LDHAL6A: variants seen among roughly 807,000 people sequenced by gnomAD.
LDHAL6A encodes the protein lactate dehydrogenase A like 6A.
Under a neutral mutation model 28.2 loss-of-function variants are expected in LDHAL6A, and 19 were observed. That is an observed-to-expected ratio of 0.67 (90% CI 0.47 to 0.99). The LOEUF (loss-of-function observed/expected upper bound fraction) is 0.99, where lower values mean the gene tolerates loss of function less well. LDHAL6A is among the 50% of genes least tolerant of loss of function. LDHAL6A has a pLI of 0.00. For synonymous variants in LDHAL6A, 144 were observed against 134.4 expected, an observed-to-expected ratio of 1.07 and a Z score of -0.49; for missense variants, 372 against 398.6, an observed-to-expected ratio of 0.93 and a Z score of 0.57.
At position 18,460,759 on chromosome 11, in the gene LDHAL6A, CAAAAA is replaced by C. The variant is rs372894280; in HGVS notation, c.127-3200_127-3196del. Among the ~76,000 whole-genome samples, 946 of 151,820 alleles carry C rather than the reference CAAAAA, an allele frequency of 6.2e-3. 10 individuals carry two copies. The highest frequency in any genetic ancestry group is 0.021 in the African/African-American group (872 of 41,424). On this transcript the variant is annotated intron_variant, in intron 1 of 6. Transcript: ENST00000280706. ...TGGGTGACAAAGTGAGACCCTGTCT[CAAAAA>C]AGAAAAAAGGTAAAAAGCACTAACA...
Position 18,476,373 on chromosome 11 carries a change from CTCTT to C in LDHAL6A, c.593-6_593-3del, listed in dbSNP as rs772261016. 14 of 1,608,944 alleles carry C rather than the reference CTCTT, an allele frequency of 8.7e-6. No homozygotes were observed. The highest frequency in any genetic ancestry group is 4.0e-5 in the African/African-American group (3 of 74,794). On this transcript the variant is annotated splice_polypyrimidine_tract_variant and splice_region_variant and intron_variant, in intron 4 of 6. Coordinates refer to ENST00000280706, the MANE Select transcript of LDHAL6A (RefSeq NM_144972.5). ...ATGTAAGAAGTGGGATTTTGGGTGT[CTCTT>C]TCTTAGTTCCTGTGTGGAGTGGTGT...
intron 3 of LDHAL6A, among the ~76,000 whole-genome samples, chr11:18,474,688 C>A (rs1849329612): frequency 3.3e-5 from 5 of 152,096 alleles, no homozygotes; most frequent in Admixed American, 2.0e-4. Flanking sequence ...CACCTGGCCT[C>A]TGATGCTGTT....
At chr11:18,464,968 G>GTTT (rs1565068644) in intron 2 of LDHAL6A, among the ~76,000 whole-genome samples, 12 of 3,802 alleles carry the variant, frequency 3.2e-3, no homozygotes, top group African/African-American at 5.5e-3. Flanking sequence ...GAGGTGAGGT[G>GTTT]TTTTTTTTGT....
At chr11:18,478,463 G>A (rs1180869018) in intron 6 of LDHAL6A, among the ~76,000 whole-genome samples, 3 of 152,156 alleles carry the variant, frequency 2.0e-5, no homozygotes, top group Non-Finnish European at 4.4e-5. Context: ...GGGAGGCTGA[G>A]GTGGGAGAAT....
intron 1 of LDHAL6A, among the ~76,000 whole-genome samples, chr11:18,460,650 C>T (rs1008280921): frequency 1.5e-4 from 23 of 151,092 alleles, no homozygotes; most frequent in Non-Finnish European, 3.2e-4. Context: ...GTACTAGCTA[C>T]TTGGGAGGCT....
At chr11:18,467,995 ATATATACG>A (rs1849148129) in intron 3 of LDHAL6A, among the ~76,000 whole-genome samples, 2 of 62,452 alleles carry the variant, frequency 3.2e-5, no homozygotes, top group African/African-American at 6.0e-5. Context: ...ATATATGCAT[ATATATACG>A]TATATATATA....
intron 3 of LDHAL6A, 52 bp downstream of exon 3, chr11:18,465,862 G>A: frequency 7.0e-7 from 1 of 1,425,654 alleles, no homozygotes; most frequent in Non-Finnish European, 9.8e-7. Context: ...GGTACACTGT[G>A]TAGGTTCATT....
intron 5 of LDHAL6A, 45 bp from the exon 6 acceptor site, chr11:18,477,575 G>T: frequency 6.5e-7 from 1 of 1,540,078 alleles, no homozygotes; most frequent in South Asian, 1.3e-5. Flanking sequence ...GAAGTTCAAT[G>T]ACAAGTGCAT....
chr11:18,474,531 C>T (rs779981884), intron 3 of LDHAL6A, among the ~76,000 whole-genome samples: 25 of 151,404 alleles, frequency 1.7e-4, no homozygotes, highest in Admixed American at 7.9e-4. Flanking sequence ...GGACTACAGG[C>T]GCGCACCACC....
intron 3 of LDHAL6A, among the ~76,000 whole-genome samples, chr11:18,466,993 T>C (rs1194156239): frequency 6.6e-6 from 1 of 152,122 alleles, no homozygotes; most frequent in Non-Finnish European, 1.5e-5. Context: ...GGTTGGTAAA[T>C]TTACTGATCG....
Position 18,479,134 on chromosome 11 carries a change from A to G in LDHAL6A, c.*264A>G, listed in dbSNP as rs1849473563. On this transcript the variant is annotated 3_prime_UTR_variant, in exon 7 of 7. Transcript: ENST00000280706. The stretch of plus-strand genomic sequence containing the variant: ...AGGTGAGCCTCCCACTTCAGCCTCC[A>G]GAGTAGGTGGGACCACATGCGTGTG... The G allele has an allele frequency of 1.0e-5, 3 of 298,682 alleles. No homozygotes were observed. The highest frequency in any genetic ancestry group is 1.2e-5 in the Non-Finnish European group (2 of 160,274). 18.5% of individuals were successfully genotyped at this position (298,682 alleles called of 1,614,324 possible).
intron 1 of LDHAL6A, among the ~76,000 whole-genome samples, chr11:18,458,093 C>T (rs1372484053): frequency 6.6e-6 from 1 of 152,136 alleles, no homozygotes; most frequent in Non-Finnish European, 1.5e-5. Context: ...CTACCTCTGC[C>T]AGCTGCTGCT....
chr11:18,459,173 G>A (rs998385692), intron 1 of LDHAL6A, among the ~76,000 whole-genome samples: 2 of 152,114 alleles, frequency 1.3e-5, no homozygotes, highest in African/African-American at 2.4e-5. Flanking sequence ...ATTTGAGTCC[G>A]AGGACTGAGA....
chr11:18,471,121 TTTC>T (rs1483663421), intron 3 of LDHAL6A, among the ~76,000 whole-genome samples: 1 of 152,156 alleles, frequency 6.6e-6, no homozygotes, highest in Non-Finnish European at 1.5e-5. Flanking sequence ...TTAGTAAGGG[TTTC>T]TTATTTATGT....
rs768892367 is a variant in LDHAL6A at position 18,475,614 on chromosome 11, C to T, written c.567C>T (p.Ile189=). 6.2e-7 allele frequency: 1 copy of T among 1,613,660 alleles called. No homozygotes were observed. Among genetic ancestry groups the T allele is most frequent in the East Asian group, 2.2e-5 (1 of 44,856 alleles). ...ACTCTGAAAGCTGTCATGGGCTGAT[C>T]CTTGGAGAGCATGGCGACTCAAGTG... is the stretch of plus-strand genomic sequence containing the variant. The part of the protein sequence containing the change: ...GIHSESCHGL[I]LGEHGDSSVP... The change falls in exon 4 of 7, where the codon ATC becomes ATT. Residue 189 remains isoleucine (I), a synonymous_variant. Coordinates refer to ENST00000280706, the MANE Select transcript of LDHAL6A (RefSeq NM_144972.5).
rs531901731 is a variant in LDHAL6A, at chr11:18,464,089, T to C, written c.244+11T>C. ...TTGTCTCCAGCAAAGGTTAATGTCA[T>C]AGTTAAATACTATAAATATTCTAAT... On this transcript the variant is annotated intron_variant, in intron 2 of 6. Transcript: ENST00000280706. 13 of 1,473,948 alleles carry C rather than the reference T, an allele frequency of 8.8e-6. No individual in the cohort carries two copies. In the African/African-American group the frequency reaches 9.7e-5, roughly 11 times the overall value. The allele number at this position is 1,473,948 out of a possible 1,614,324, so 91.3% of individuals were successfully genotyped here.
Position 18,463,984 on chromosome 11 carries a change from T to TG in LDHAL6A, c.151dup (p.Val51GlyfsTer4). 6.2e-7 allele frequency: 1 copy of TG among 1,613,480 alleles called. No individual in the cohort carries two copies. The highest frequency in any genetic ancestry group is 8.5e-7 in the Non-Finnish European group (1 of 1,179,520). On this transcript the variant is annotated frameshift_variant, in exon 2 of 7. Coordinates refer to ENST00000280706, the MANE Select transcript of LDHAL6A (RefSeq NM_144972.5). LOFTEE classifies it high-confidence loss of function. ...AGGGTTTGAGTGATGAACTTGTCCT[T>TG]GTGGATGTTGATGAAGGCAAACTGA...
chr11:18,468,942 T>G (rs1849191605), intron 3 of LDHAL6A: 1 of 363,942 alleles, frequency 2.7e-6, no homozygotes, highest in African/African-American at 2.1e-5. Flanking sequence ...AAGAGTTTGA[T>G]TCTTTAAAAA....
intron 3 of LDHAL6A, among the ~76,000 whole-genome samples, chr11:18,471,241 GCT>G (rs1849251801): frequency 7.4e-6 from 1 of 135,178 alleles, no homozygotes. Context: ...AGAGGGTTTT[GCT>G]CTGTTGCTCA....
Sources: allele counts gnomAD v4.1 joint callset (sites outside exome capture counted in the v4.1 genomes callset), GRCh38; gene constraint gnomAD v4.1.1; transcripts MANE v1.5; gene names NCBI Gene and HGNC (gene_info 2026-07-23, HGNC 2026-07-21).